SETBP1: variants seen among roughly 807,000 people sequenced by gnomAD.
SETBP1 encodes the protein SET binding protein 1.
A neutral mutation model predicts 101.0 loss-of-function variants in SETBP1; 9 were observed. The ratio of observed to expected loss-of-function variants is 0.09; its 90% CI spans 0.05 to 0.16. SETBP1 has a LOEUF of 0.16. Among genes scored for constraint, SETBP1 ranks in the 10% least tolerant of loss-of-function variants. The pLI, the probability that SETBP1 is intolerant of heterozygous loss-of-function variation, is 1.00. For synonymous variants in SETBP1, 818 were observed against 788.5 expected (o/e 1.04, Z -0.63); for missense variants, 1,858 against 2,033.8 (o/e 0.91, Z 1.66).
intron 2 of SETBP1, among the ~76,000 whole-genome samples, chr18:44,760,275 C>T (rs1432684466): frequency 2.0e-5 from 3 of 152,192 alleles, no homozygotes; most frequent in Non-Finnish European, 4.4e-5. Context: ...ACATCTCTCT[C>T]TGGATGGGGA....
intron 4 of SETBP1, among the ~76,000 whole-genome samples, chr18:45,020,672 A>G (rs1271437316): frequency 6.6e-6 from 1 of 152,204 alleles, no homozygotes; most frequent in Non-Finnish European, 1.5e-5. Context: ...TCATAGAGCT[A>G]AAGATAAGTG....
intron 4 of SETBP1, among the ~76,000 whole-genome samples, chr18:44,962,701 G>A (rs1490266351): frequency 6.6e-6 from 1 of 152,170 alleles, no homozygotes; most frequent in Non-Finnish European, 1.5e-5. Context: ...ACTGGTATCT[G>A]TCCTGTTACA....
At chr18:44,689,412 A>G (rs914717625) in intron 1 of SETBP1, among the ~76,000 whole-genome samples, 1 of 152,148 alleles carries the variant, frequency 6.6e-6, no homozygotes, top group Admixed American at 6.5e-5. Context: ...AGGGCCCTCT[A>G]TGTCAGACTC....
In SETBP1 at chr18:45,030,744, G is replaced by T. The variant is rs1305339067; in HGVS notation, c.4001-7741G>T. Among the ~76,000 whole-genome samples, 2 of 149,058 alleles carry T rather than the reference G, an allele frequency of 1.3e-5. 1 individual carries two copies. Among genetic ancestry groups the T allele is most frequent in the Non-Finnish European group, 3.0e-5 (2 of 67,690 alleles). On this transcript the variant is annotated intron_variant, in intron 4 of 5. Coordinates refer to ENST00000649279, the MANE Select transcript of SETBP1 (RefSeq NM_015559.3). The stretch of plus-strand genomic sequence containing the variant: ...TTCCTCCTGGTTTAGTCTTGGGAGG[G>T]TGTATGTGTCGAGGAATTTATCCAT...
intron 2 of SETBP1, among the ~76,000 whole-genome samples, chr18:44,774,717 T>A (rs1270458121): frequency 3.9e-5 from 6 of 152,116 alleles, no homozygotes; most frequent in Admixed American, 3.9e-4. Flanking sequence ...TTCTTCAACC[T>A]CAGCCCGAAA....
intron 1 of SETBP1, among the ~76,000 whole-genome samples, chr18:44,683,422 G>A (rs1391366551): frequency 6.6e-6 from 1 of 152,178 alleles, no homozygotes; most frequent in Non-Finnish European, 1.5e-5. Context: ...GTGGGGAGAG[G>A]CAGGAGGCAG....
intron 5 of SETBP1, among the ~76,000 whole-genome samples, chr18:45,044,987 A>G (rs2073580695): frequency 6.6e-6 from 1 of 152,208 alleles, no homozygotes; most frequent in Admixed American, 6.5e-5. Context: ...AAGTTAACAT[A>G]AAAGCTGGCA....
chr18:45,027,327 T>G (rs888316145), intron 4 of SETBP1, among the ~76,000 whole-genome samples: 2 of 152,214 alleles, frequency 1.3e-5, no homozygotes, highest in Non-Finnish European at 2.9e-5. Context: ...TGATTTATTC[T>G]GACCAGAAGG....
intron 4 of SETBP1, among the ~76,000 whole-genome samples, chr18:44,996,927 T>A (rs1428887385): frequency 6.6e-6 from 1 of 152,204 alleles, no homozygotes; most frequent in Non-Finnish European, 1.5e-5. Context: ...AGCAGTGAGA[T>A]GGGTACAGGC....
At chr18:44,970,841 G>A (rs182573817) in intron 4 of SETBP1, among the ~76,000 whole-genome samples, 11 of 151,920 alleles carry the variant, frequency 7.2e-5, no homozygotes, top group Non-Finnish European at 1.3e-4. Context: ...CTGAGCGACC[G>A]CACCCGGCTG....
chr18:44,912,192 G>A (rs1403128596), intron 3 of SETBP1, among the ~76,000 whole-genome samples: 3 of 152,092 alleles, frequency 2.0e-5, no homozygotes. Context: ...TTTGATAAAT[G>A]TTGGGTTTTG....
At chr18:44,832,332 G>A (rs1019598266) in intron 2 of SETBP1, among the ~76,000 whole-genome samples, 36 of 152,144 alleles carry the variant, frequency 2.4e-4, no homozygotes, top group African/African-American at 4.8e-4. Flanking sequence ...GGCCAGGCCC[G>A]GGGCTACCCC....
intron 1 of SETBP1, among the ~76,000 whole-genome samples, chr18:44,691,673 G>T (rs1291811965): frequency 6.6e-6 from 1 of 152,104 alleles, no homozygotes; most frequent in Non-Finnish European, 1.5e-5. Context: ...AGAGACTAAC[G>T]GCATATGCTT....
chr18:44,831,128 C>T (rs924021825), intron 2 of SETBP1, among the ~76,000 whole-genome samples: 1 of 152,152 alleles, frequency 6.6e-6, no homozygotes, highest in Non-Finnish European at 1.5e-5. Context: ...CTTTGTAAAT[C>T]CAGTAGAGGC....
chr18:44,965,483 C>G lies in SETBP1; in HGVS notation c.4000+12143C>G, dbSNP rs530461699. Among the ~76,000 whole-genome samples the G allele has an allele frequency of 2.0e-5, 3 of 152,240 alleles. No individual in the cohort carries two copies. In the East Asian group the frequency reaches 5.8e-4, roughly 29 times the overall value. ...TATCCTAGTATATCTATGGAAATTCCTAAGATAAAATCATAAAGCCAATAG... is the reference window on the plus strand; with the variant it reads ...TATCCTAGTATATCTATGGAAATTCGTAAGATAAAATCATAAAGCCAATAG... On this transcript the variant is annotated intron_variant, in intron 4 of 5. Coordinates refer to ENST00000649279, the MANE Select transcript of SETBP1 (RefSeq NM_015559.3).
At chr18:44,883,073 A>C (rs1322774633) in intron 3 of SETBP1, among the ~76,000 whole-genome samples, 1 of 152,196 alleles carries the variant, frequency 6.6e-6, no homozygotes, top group East Asian at 1.9e-4. Context: ...CAGTAACTTC[A>C]CCACCTATGG....
chr18:44,879,808 A>G (rs2069489267), intron 3 of SETBP1, among the ~76,000 whole-genome samples: 1 of 152,184 alleles, frequency 6.6e-6, no homozygotes, highest in Non-Finnish European at 1.5e-5. Flanking sequence ...AGAAGGGAAC[A>G]CCTCACACTT....
At chr18:44,896,606 C>T (rs1028156414) in intron 3 of SETBP1, among the ~76,000 whole-genome samples, 1 of 152,142 alleles carries the variant, frequency 6.6e-6, no homozygotes, top group Non-Finnish European at 1.5e-5. Flanking sequence ...AATTCTGCCT[C>T]AGCCTCCTGA....
chr18:44,828,574 G>T (rs1238849408), intron 2 of SETBP1, among the ~76,000 whole-genome samples: 1 of 152,066 alleles, frequency 6.6e-6, no homozygotes, highest in African/African-American at 2.4e-5. Flanking sequence ...TAATATGAAG[G>T]GTCGTACAGA....
Sources: allele counts gnomAD v4.1 joint callset (sites outside exome capture counted in the v4.1 genomes callset), GRCh38; gene constraint gnomAD v4.1.1; transcripts MANE v1.5; gene names NCBI Gene and HGNC (gene_info 2026-07-23, HGNC 2026-07-21).